FRG2C: variants seen among roughly 807,000 people sequenced by gnomAD.
FRG2C encodes protein FRG2-like-2.
A neutral mutation model predicts 14.1 loss-of-function variants in FRG2C; 8 were observed. The observed-to-expected ratio is 0.57, with a 90% CI of 0.33 to 1.02. FRG2C has a LOEUF of 1.02. Among genes scored for constraint, FRG2C ranks in the 50% least tolerant of loss-of-function variants. The pLI is 0.03. For synonymous variants in FRG2C, 92 were observed against 127.4 expected, an observed-to-expected ratio of 0.72 and a Z score of 1.87; for missense variants, 214 against 334.2, an observed-to-expected ratio of 0.64 and a Z score of 2.80.
chr3:75,665,949 T>A lies in FRG2C; in HGVS notation c.757T>A (p.Ser253Thr), dbSNP rs1433387173. The change falls in exon 4 of 4, where the codon TCA becomes ACA. Residue 253 changes from serine to threonine, a missense_variant. Ser to Thr is a moderately conservative substitution (Grantham distance 58). Transcript: ENST00000308062. ...VPATLPGPGDSALDREAHPFP... is the reference protein window; with the variant it reads ...VPATLPGPGDTALDREAHPFP... ...AGCCACACTGCCTGGTCCTGGGGAT[T>A]CAGCCCTGGATAGAGAAGCCCATCC... The A allele has an allele frequency of 6.2e-7, 1 of 1,612,298 alleles. No individual in the cohort carries two copies. The highest frequency in any genetic ancestry group is 1.3e-5 in the African/African-American group (1 of 74,904).
rs1431232043 is a variant in FRG2C, at chr3:75,666,826, CT to C, written c.*789del. 1 of 152,430 alleles carries C rather than the reference CT, an allele frequency of 6.6e-6. No individual in the cohort carries two copies. Among genetic ancestry groups the C allele is most frequent in the East Asian group, 1.9e-4 (1 of 5,194 alleles). 9.4% of individuals were successfully genotyped at this position (152,430 alleles called of 1,614,324 possible). On this transcript the variant is annotated 3_prime_UTR_variant, in exon 4 of 4. Transcript: ENST00000308062. ...GTAAAATTACTATGCAAGCTGTTTA[CT>C]TTTAATATTTCTACATAAAATTTAA...
At chr3:75,664,765 A>G in intron 1 of FRG2C, 54 bp from the exon 2 acceptor site, 1 of 1,612,990 alleles carries the variant, frequency 6.2e-7, no homozygotes, top group Non-Finnish European at 8.5e-7. Flanking sequence ...CATGAGAGAT[A>G]GACTATGGGA....
chr3:75,664,454 A>G lies in FRG2C; in HGVS notation c.75A>G (p.Gln25=). 4 of 1,612,476 alleles carry G rather than the reference A, an allele frequency of 2.5e-6. No individual in the cohort carries two copies. The highest frequency in any genetic ancestry group is 3.4e-6 in the Non-Finnish European group (4 of 1,179,884). Residue 25 remains glutamine (Q), a synonymous_variant, in exon 1 of 4, where the codon CAA becomes CAG. Coordinates refer to ENST00000308062, the MANE Select transcript of FRG2C (RefSeq NM_001124759.5). ...IQCSTDQPPF[Q]QISFTEKGSD... is the part of the protein sequence containing the mutation. ...GCTCCACTGACCAGCCCCCTTTCCA[A>G]CAGATCTCCTTTACAGAAAAGGGCT...
rs1331653510 is a variant in FRG2C, at chr3:75,664,730, C to T, written c.179-89C>T. The T allele has an allele frequency of 4.3e-6, 7 of 1,609,956 alleles. No homozygotes were observed. The East Asian group carries it at 8.9e-5, about 21-fold the overall frequency. ...TCATGACACTGGCAGAAGAGCTTCA[C>T]ATGAAAGACTGATTCTCAAAAATGC... is the stretch of plus-strand genomic sequence containing the variant. On this transcript the variant is annotated intron_variant, in intron 1 of 3. Transcript: ENST00000308062.
rs1937069614 is a variant in FRG2C, at chr3:75,665,616, T to G, written c.424T>G (p.Cys142Gly). The change falls in exon 4 of 4, where the codon TGT becomes GGT. Residue 142 changes from cysteine to glycine, a missense_variant. Around this residue, in one of 3 missense-constraint regions of FRG2C, gnomAD observed 136 missense variants for 148.1 expected, o/e 0.92. Coordinates refer to ENST00000308062, the MANE Select transcript of FRG2C (RefSeq NM_001124759.5). ...AVHNSEIQET[C>G]DAHHRGSSRA... ...GCACAACAGTGAAATCCAGGAGACC[T>G]GTGATGCCCACCATAGGGGAAGTTC... 6.2e-7 allele frequency: 1 copy of G among 1,613,948 alleles called. No individual in the cohort carries two copies. Among genetic ancestry groups the G allele is most frequent in the African/African-American group, 1.3e-5 (1 of 74,960 alleles).
rs1937039446 is a variant in FRG2C, at chr3:75,664,724, G to C, written c.179-95G>C. ...GTTCACTCATGACACTGGCAGAAGAGCTTCACATGAAAGACTGATTCTCAA... is the reference window on the plus strand; with the variant it reads ...GTTCACTCATGACACTGGCAGAAGACCTTCACATGAAAGACTGATTCTCAA... On this transcript the variant is annotated intron_variant, in intron 1 of 3. Coordinates refer to ENST00000308062, the MANE Select transcript of FRG2C (RefSeq NM_001124759.5). The C allele has an allele frequency of 1.9e-6, 3 of 1,609,020 alleles. No homozygotes were observed. The African/African-American group carries it at 4.0e-5, about 21-fold the overall frequency.
In FRG2C at chr3:75,664,330, A is replaced by C; in HGVS notation, c.-50A>C. On this transcript the variant is annotated 5_prime_UTR_variant, in exon 1 of 4. Coordinates refer to ENST00000308062, the MANE Select transcript of FRG2C (RefSeq NM_001124759.5). ...AGGCAGGTCTAGCAGACTAACCCAC[A>C]CTCTGCCTTTGGACATGTGAGAGAG... is the stretch of plus-strand genomic sequence containing the variant. 4 of 1,607,382 alleles carry C rather than the reference A, an allele frequency of 2.5e-6. No individual in the cohort carries two copies. The highest frequency in any genetic ancestry group is 3.4e-6 in the Non-Finnish European group (4 of 1,179,772).
intron 2 of FRG2C, 71 bp downstream of exon 2, chr3:75,664,967 G>A (rs75913622): frequency 6.2e-7 from 1 of 1,613,556 alleles, no homozygotes; most frequent in African/African-American, 1.3e-5. Flanking sequence ...AGGAAACTGG[G>A]AGCTCCTTGG....
At position 75,665,663 on chromosome 3, in the gene FRG2C, C is replaced by G; in HGVS notation, c.471C>G (p.Ser157Arg). ...RGSSRACTGR[S>R]KRHRSRALEV... The stretch of plus-strand genomic sequence containing the variant: ...GTTCCAGGGCTTGCACTGGGCGCAG[C>G]AAGCGGCATAGGTCTCGGGCCCTAG... The change falls in exon 4 of 4, where the codon AGC (serine) becomes AGG (arginine). Residue 157 changes from serine to arginine, a missense_variant. Physicochemically the swap from Ser to Arg is moderately radical, Grantham distance 110 (BLOSUM62 -1). Coordinates refer to ENST00000308062, the MANE Select transcript of FRG2C (RefSeq NM_001124759.5). The G allele has an allele frequency of 6.2e-7, 1 of 1,614,050 alleles. No homozygotes were observed. The highest frequency in any genetic ancestry group is 8.5e-7 in the Non-Finnish European group (1 of 1,179,870).
In FRG2C at chr3:75,666,314, C is replaced by A; in HGVS notation, c.*273C>A. The A allele has an allele frequency of 1.6e-6, 1 of 609,848 alleles. No homozygotes were observed. The highest frequency in any genetic ancestry group is 2.8e-6 in the Non-Finnish European group (1 of 358,802). 37.8% of individuals were successfully genotyped at this position (609,848 alleles called of 1,614,324 possible). A position where few individuals can be genotyped will look rare whatever the true frequency, so the allele number is the denominator to read the frequency against. ...TGACAGTCGTGCATTTCTATATAAT[C>A]AGAAAAATATTAGGTTGCAATCGTG... On this transcript the variant is annotated 3_prime_UTR_variant, in exon 4 of 4. Transcript: ENST00000308062.
chr3:75,666,550 T>TTTTTTG lies in FRG2C; in HGVS notation c.*514_*515insGTTTTT, dbSNP rs1937109898. On this transcript the variant is annotated 3_prime_UTR_variant, in exon 4 of 4. Coordinates refer to ENST00000308062, the MANE Select transcript of FRG2C (RefSeq NM_001124759.5). Reference sequence around the variant, plus strand: ...ATGTACCGCCATGCCTGGCTAATGTTTTTTTCTTGTATTGTTAGTAGAGTT... The same window carrying TTTTTTG: ...ATGTACCGCCATGCCTGGCTAATGTTTTTTTGTTTTTCTTGTATTGTTAGTAGAGTT... The TTTTTTG allele has an allele frequency of 5.5e-6, 1 of 180,806 alleles. No individual in the cohort carries two copies. Among genetic ancestry groups the TTTTTTG allele is most frequent in the Non-Finnish European group, 1.2e-5 (1 of 86,370 alleles). 11.2% of individuals were successfully genotyped at this position (180,806 alleles called of 1,614,324 possible).
Position 75,665,530 on chromosome 3 carries a change from A to T in FRG2C, c.338A>T (p.Asn113Ile). The T allele has an allele frequency of 6.2e-7, 1 of 1,612,714 alleles. No individual in the cohort carries two copies. The highest frequency in any genetic ancestry group is 1.1e-5 in the South Asian group (1 of 91,044). Reference protein sequence around the residue: ...SKDICQDRAGNCPEEECNLTL... With the variant: ...SKDICQDRAGICPEEECNLTL... ...CTCTCACATGCTTTCTTTGCAGGGA[A>T]CTGTCCAGAAGAGGAGTGCAACTTG... Residue 113 changes from asparagine (N) to isoleucine (I), a missense_variant, in exon 4 of 4, where the codon AAC becomes ATC. Physicochemically the swap from Asn to Ile is moderately radical, Grantham distance 149. Coordinates refer to ENST00000308062, the MANE Select transcript of FRG2C (RefSeq NM_001124759.5).
rs1937118426 is a variant in FRG2C, at chr3:75,666,784, T to C, written c.*743T>C. The C allele has an allele frequency of 6.6e-6, 1 of 152,300 alleles. No individual in the cohort carries two copies. Among genetic ancestry groups the C allele is most frequent in the Non-Finnish European group, 1.5e-5 (1 of 68,058 alleles). 9.4% of individuals were successfully genotyped at this position (152,300 alleles called of 1,614,324 possible). A position where few individuals can be genotyped will look rare whatever the true frequency, so the allele number is the denominator to read the frequency against. ...CTCCCTGTGGGAAAATGTTTATACA[T>C]TTTTACAGTTTGCATAGTAAAATTA... On this transcript the variant is annotated 3_prime_UTR_variant, in exon 4 of 4. Transcript: ENST00000308062.
Position 75,664,469 on chromosome 3 carries a change from A to G in FRG2C, c.90A>G (p.Thr30=). The change falls in exon 1 of 4, where the codon ACA becomes ACG. Residue 30 remains threonine (T), a synonymous_variant. Transcript: ENST00000308062. ...DQPPFQQISF[T]EKGSDEKKPF... Reference sequence around the variant, plus strand: ...CCCCTTTCCAACAGATCTCCTTTACAGAAAAGGGCTCAGATGAGAAGAAAC... The same window carrying G: ...CCCCTTTCCAACAGATCTCCTTTACGGAAAAGGGCTCAGATGAGAAGAAAC... 2 of 1,612,780 alleles carry G rather than the reference A, an allele frequency of 1.2e-6. No homozygotes were observed. Among genetic ancestry groups the G allele is most frequent in the South Asian group, 2.2e-5 (2 of 91,032 alleles).
At chr3:75,665,422 A>G (rs1937063861) in intron 3 of FRG2C, 105 bp from the exon 4 acceptor site, 3 of 1,525,176 alleles carry the variant, frequency 2.0e-6, no homozygotes, top group Non-Finnish European at 2.7e-6. Flanking sequence ...ATGGTCAGGA[A>G]GGAGTGGGAG....
rs1224711820 is a variant in FRG2C at position 75,665,629 on chromosome 3, A to C, written c.437A>C (p.His146Pro). 12 of 1,614,038 alleles carry C rather than the reference A, an allele frequency of 7.4e-6. No homozygotes were observed. The Admixed American group carries it at 1.7e-4, about 22-fold the overall frequency. ...SEIQETCDAH[H>P]RGSSRACTGR... ...ATCCAGGAGACCTGTGATGCCCACC[A>C]TAGGGGAAGTTCCAGGGCTTGCACT... Residue 146 changes from histidine (H) to proline (P), a missense_variant, in exon 4 of 4, where the codon CAT becomes CCT. This residue lies in a region of FRG2C where 136 missense variants were observed against 148.1 expected (regional missense o/e 0.92). Transcript: ENST00000308062.
At chr3:75,665,243 GT>G (rs1429789508) in intron 3 of FRG2C, 40 bp downstream of exon 3, 10 of 1,540,040 alleles carry the variant, frequency 6.5e-6, no homozygotes, top group Non-Finnish European at 9.0e-7. Flanking sequence ...GGTGGTGGTG[GT>G]TTTTTTGTTT....
At position 75,665,417 on chromosome 3, in the gene FRG2C, C is replaced by T. The variant is rs1159885963; in HGVS notation, c.335-110C>T. 3 of 1,518,524 alleles carry T rather than the reference C, an allele frequency of 2.0e-6. No individual in the cohort carries two copies. The African/African-American group carries it at 4.2e-5, about 21-fold the overall frequency. 94.1% of individuals were successfully genotyped at this position (1,518,524 alleles called of 1,614,324 possible). A position where few individuals can be genotyped will look rare whatever the true frequency, so the allele number is the denominator to read the frequency against. On this transcript the variant is annotated intron_variant, in intron 3 of 3. Transcript: ENST00000308062. The stretch of plus-strand genomic sequence containing the variant: ...CACTTCATTCCAGTCCTGAGATGGT[C>T]AGGAAGGAGTGGGAGAGACAAATGG...
At position 75,665,641 on chromosome 3, in the gene FRG2C, C is replaced by A. The variant is rs201894011; in HGVS notation, c.449C>A (p.Ser150Tyr). Residue 150 changes from serine to tyrosine, a missense_variant, in exon 4 of 4, where the codon TCC becomes TAC. By Grantham distance (144) the Ser-to-Tyr change is moderately radical. Around this residue, in one of 3 missense-constraint regions of FRG2C, gnomAD observed 136 missense variants for 148.1 expected, o/e 0.92. Coordinates refer to ENST00000308062, the MANE Select transcript of FRG2C (RefSeq NM_001124759.5). The stretch of plus-strand genomic sequence containing the variant: ...TGTGATGCCCACCATAGGGGAAGTT[C>A]CAGGGCTTGCACTGGGCGCAGCAAG... ...ETCDAHHRGS[S>Y]RACTGRSKRH... 1.3e-3 allele frequency: 2,112 copies of A among 1,613,996 alleles called. No homozygotes were observed. Among genetic ancestry groups the A allele is most frequent in the Non-Finnish European group, 1.6e-3 (1,872 of 1,179,810 alleles).
Sources: gnomAD v4.1 joint callset for allele counts on GRCh38, gnomAD v4.1.1 for gene constraint, gnomAD v4.1.1 regional missense constraint, MANE v1.5 for transcripts, NCBI Gene and HGNC (gene_info 2026-07-23, HGNC 2026-07-21) for gene names.